The following TNPO1 variants were observed in gnomAD, a reference collection of about 807,000 sequenced individuals.
TNPO1 encodes transportin-1.
TNPO1 carries 8 observed loss-of-function variants against 119.5 expected under a neutral mutation model. The ratio of observed to expected loss-of-function variants is 0.07; its 90% CI spans 0.04 to 0.12. The LOEUF (loss-of-function observed/expected upper bound fraction) is 0.12. Among genes scored for constraint, TNPO1 ranks in the 10% least tolerant of loss-of-function variants. TNPO1 has a pLI of 1.00. For missense variants in TNPO1, 576 were observed against 1,089.8 expected (o/e 0.53, Z 6.64); for synonymous variants, 362 against 363.0 (o/e 1.00, Z 0.03).
intron 11 of TNPO1, among the ~76,000 whole-genome samples, 198 bp downstream of exon 11, chr5:72,883,430 C>T (rs1257517537): frequency 1.3e-5 from 2 of 152,162 alleles, no homozygotes; most frequent in African/African-American, 2.4e-5. Flanking sequence ...CAGTAACTCC[C>T]TATTGTTCAC....
chr5:72,877,673 T>C lies in TNPO1; in HGVS notation c.920+327T>C, dbSNP rs1277348007. On this transcript the variant is annotated intron_variant, in intron 9 of 24. Transcript: ENST00000337273. Reference sequence around the variant, plus strand: ...AACCACAGACTCTATTGTGAAGTTTTGTTTTTTTTCCAAAAAATAATTTCC... The same window carrying C: ...AACCACAGACTCTATTGTGAAGTTTCGTTTTTTTTCCAAAAAATAATTTCC... Among the ~76,000 whole-genome samples the C allele has an allele frequency of 5.9e-5, 9 of 152,318 alleles. No individual in the cohort carries two copies. The East Asian group carries it at 1.7e-3, about 29-fold the overall frequency.
At chr5:72,846,182 G>T (rs952923444) in intron 1 of TNPO1, among the ~76,000 whole-genome samples, 2 of 152,190 alleles carry the variant, frequency 1.3e-5, no homozygotes, top group Non-Finnish European at 2.9e-5. Flanking sequence ...CCACCAGGTT[G>T]CCACTATTAT....
chr5:72,849,839 T>C (rs1188774253), intron 2 of TNPO1, among the ~76,000 whole-genome samples: 1 of 152,238 alleles, frequency 6.6e-6, no homozygotes, highest in African/African-American at 2.4e-5. Flanking sequence ...TGATAGTTGA[T>C]TAATTGCAGG....
rs765363335 is a variant in TNPO1, at chr5:72,881,819, C to T, written c.921-648C>T. Among the ~76,000 whole-genome samples the T allele has an allele frequency of 7.8e-4, 119 of 152,114 alleles. 1 individual carries two copies. Among genetic ancestry groups the T allele is most frequent in the Non-Finnish European group, 1.5e-3 (102 of 68,014 alleles). On this transcript the variant is annotated intron_variant, in intron 9 of 24. Coordinates refer to ENST00000337273, the MANE Select transcript of TNPO1 (RefSeq NM_002270.4). ...CTGTATAGTATAAATTTTTCTTATA[C>T]CCAGAGACCCTCACCGTACCAGATA...
intron 18 of TNPO1, among the ~76,000 whole-genome samples, chr5:72,895,161 C>CGA (rs1749333236): frequency 3.9e-5 from 6 of 152,122 alleles, no homozygotes; most frequent in Non-Finnish European, 7.4e-5. Flanking sequence ...GTTTTTTATT[C>CGA]TAAAGAGTTT....
intron 18 of TNPO1, among the ~76,000 whole-genome samples, chr5:72,896,190 C>T (rs1749416832): frequency 6.6e-6 from 1 of 151,994 alleles, no homozygotes; most frequent in Non-Finnish European, 1.5e-5. Context: ...CTTGTATTTC[C>T]TGTTCCACAT....
At chr5:72,827,442 A>G (rs1364679116) in intron 1 of TNPO1, among the ~76,000 whole-genome samples, 3 of 152,170 alleles carry the variant, frequency 2.0e-5, no homozygotes, top group Admixed American at 2.0e-4. Context: ...ACAAAAGAGG[A>G]GGCAAGCAAA....
intron 4 of TNPO1, among the ~76,000 whole-genome samples, chr5:72,856,357 G>A (rs749989890): frequency 2.4e-4 from 36 of 151,770 alleles, no homozygotes; most frequent in Non-Finnish European, 3.1e-4. Flanking sequence ...TCAGCCTCCC[G>A]AGTAGCTGTG....
chr5:72,895,586 G>A (rs1243134526), intron 18 of TNPO1, among the ~76,000 whole-genome samples: 2 of 152,036 alleles, frequency 1.3e-5, no homozygotes, highest in East Asian at 1.9e-4. Context: ...GGCCCAAACT[G>A]TCAATATTGC....
chr5:72,893,734 G>A (rs761636420), intron 18 of TNPO1, 31 bp downstream of exon 18: 34 of 1,574,066 alleles, frequency 2.2e-5, no homozygotes, highest in African/African-American at 4.1e-5. Context: ...TATGAATATG[G>A]TTTTTTAAAG....
In TNPO1 at chr5:72,893,654, G is replaced by A. The variant is rs1302257887; in HGVS notation, c.2094G>A (p.Leu698=). The A allele has an allele frequency of 1.2e-6, 2 of 1,614,232 alleles. No individual in the cohort carries two copies. The highest frequency in any genetic ancestry group is 1.1e-5 in the South Asian group (1 of 91,088). ...AAGTTCGACAGAGTTCTTTTGCCCT[G>A]TTAGGTGACCTCACAAAAGCTTGCT... ...MPEVRQSSFA[L]LGDLTKACFQ... is the part of the protein sequence containing the mutation. The change falls in exon 18 of 25, where the codon CTG becomes CTA. Residue 698 remains leucine (L), a synonymous_variant. Transcript: ENST00000337273.
intron 1 of TNPO1, among the ~76,000 whole-genome samples, chr5:72,826,656 A>G (rs954294852): frequency 3.9e-5 from 6 of 152,206 alleles, no homozygotes; most frequent in Admixed American, 6.5e-5. Context: ...CAATAGACCT[A>G]TATATCACAA....
In TNPO1 at chr5:72,816,662, T is replaced by G; in HGVS notation, c.-76T>G. ...CTCGGTGAAGCCCAGATTCTCTTTG[T>G]TCCGCAGCCATTTCAGGCCCCGGAC... On this transcript the variant is annotated 5_prime_UTR_variant, in exon 1 of 25. Transcript: ENST00000337273. 6.8e-7 allele frequency: 1 copy of G among 1,470,802 alleles called. No homozygotes were observed. The highest frequency in any genetic ancestry group is 9.1e-7 in the Non-Finnish European group (1 of 1,101,274). The allele number at this position is 1,470,802 out of a possible 1,614,324, so 91.1% of individuals were successfully genotyped here.
chr5:72,849,537 A>G (rs1259368106), intron 2 of TNPO1, among the ~76,000 whole-genome samples: 1 of 152,224 alleles, frequency 6.6e-6, no homozygotes, highest in Non-Finnish European at 1.5e-5. Context: ...ACATCTGTAA[A>G]GATGAAGTTA....
chr5:72,883,312 A>G, intron 11 of TNPO1, 80 bp downstream of exon 11: 1 of 699,756 alleles, frequency 1.4e-6, no homozygotes, highest in Non-Finnish European at 2.6e-6. Flanking sequence ...TGTACAGTTT[A>G]CTACCCATTA....
intron 4 of TNPO1, among the ~76,000 whole-genome samples, chr5:72,856,543 A>G (rs979911992): frequency 1.3e-5 from 2 of 152,050 alleles, no homozygotes; most frequent in Non-Finnish European, 2.9e-5. Flanking sequence ...TGGAGTTCCT[A>G]TTTTCTGCCT....
At chr5:72,876,411 G>T (rs1747777671) in intron 8 of TNPO1, among the ~76,000 whole-genome samples, 1 of 152,164 alleles carries the variant, frequency 6.6e-6, no homozygotes, top group Non-Finnish European at 1.5e-5. Context: ...ATTTGGCTTG[G>T]TGTGTTCCAG....
chr5:72,880,393 G>A (rs1480186312), intron 9 of TNPO1, among the ~76,000 whole-genome samples: 13 of 151,346 alleles, frequency 8.6e-5, no homozygotes, highest in Admixed American at 6.6e-4. Flanking sequence ...CTTTATTCTT[G>A]TACATTAATG....
intron 4 of TNPO1, 43 bp from the exon 5 acceptor site, chr5:72,861,765 A>G (rs1746469039): frequency 2.2e-6 from 3 of 1,391,518 alleles, no homozygotes; most frequent in Non-Finnish European, 2.0e-6. Flanking sequence ...AATGCCTGAC[A>G]TAATGCTGTT....
Sources: allele counts gnomAD v4.1 joint callset (sites outside exome capture counted in the v4.1 genomes callset), GRCh38; gene constraint gnomAD v4.1.1; transcripts MANE v1.5; gene names NCBI Gene and HGNC (gene_info 2026-07-23, HGNC 2026-07-21).